The following ADAMTS16 variants were observed in gnomAD, a reference collection of about 807,000 sequenced individuals.
ADAMTS16 encodes the protein ADAM metallopeptidase with thrombospondin type 1 motif 16.
Under a neutral mutation model 145.8 loss-of-function variants are expected in ADAMTS16, and 94 were observed. The observed-to-expected ratio is 0.64, with a 90% CI of 0.55 to 0.77. ADAMTS16 has a LOEUF of 0.77. Ranked by LOEUF, ADAMTS16 falls within the 30% of genes least tolerant of loss-of-function variation. The pLI is 0.00. For missense variants in ADAMTS16, 1,585 were observed against 1,591.5 expected, an observed-to-expected ratio of 1.00 and a Z score of 0.07; for synonymous variants, 659 against 604.3, an observed-to-expected ratio of 1.09 and a Z score of -1.33.
chr5:5,262,620 T>C (rs765951364), intron 17 of ADAMTS16, 37 bp from the exon 18 acceptor site: 4 of 1,598,698 alleles, frequency 2.5e-6, no homozygotes, highest in South Asian at 1.1e-5. Context: ...GGGGCATGCA[T>C]GTGAGTCTTT....
rs1734302618 is a variant in ADAMTS16, at chr5:5,146,548, G to T, written c.501+93G>T. ...GACTTTCCCTCGATTTCGCATAGAT[G>T]TTCTTCTAGTACTGCAGCGCAGATT... On this transcript the variant is annotated intron_variant, in intron 3 of 22. Transcript: ENST00000274181. 30 of 1,302,192 alleles carry T rather than the reference G, an allele frequency of 2.3e-5. No individual in the cohort carries two copies. The South Asian group carries it at 3.8e-4, about 16-fold the overall frequency. The allele number at this position is 1,302,192 out of a possible 1,614,324, so 80.7% of individuals were successfully genotyped here.
chr5:5,277,606 A>C (rs1238653964), intron 18 of ADAMTS16, among the ~76,000 whole-genome samples: 1 of 152,192 alleles, frequency 6.6e-6, no homozygotes, highest in Admixed American at 6.5e-5. Flanking sequence ...GTCTGATTTT[A>C]CTTTTACGCC....
intron 10 of ADAMTS16, among the ~76,000 whole-genome samples, chr5:5,221,361 G>A (rs770497607): frequency 1.1e-4 from 16 of 152,180 alleles, no homozygotes; most frequent in South Asian, 2.1e-4. Flanking sequence ...CCGGGTGCTC[G>A]CAGCAGTCTT....
rs549777350 is a variant in ADAMTS16, at chr5:5,216,091, C to A, written c.1606-6698C>A. On this transcript the variant is annotated intron_variant, in intron 10 of 22. Coordinates refer to ENST00000274181, the MANE Select transcript of ADAMTS16 (RefSeq NM_139056.4). ...ATTGCTGGATCAAATGGTAGTTCTA[C>A]TTTTAGTTCTTTAAGGAATCTCCAC... 1.3e-3 allele frequency among the ~76,000 whole-genome samples: 203 copies of A among 151,798 alleles called. 5 individuals carry two copies. The South Asian group carries it at 0.022, about 16-fold the overall frequency.
chr5:5,256,723 C>T (rs1469001474), intron 17 of ADAMTS16, among the ~76,000 whole-genome samples: 1 of 152,190 alleles, frequency 6.6e-6, no homozygotes, highest in Non-Finnish European at 1.5e-5. Context: ...CATCAATGAT[C>T]ATAAAGGCAT....
intron 9 of ADAMTS16, among the ~76,000 whole-genome samples, chr5:5,208,289 T>G (rs899141527): frequency 2.0e-5 from 3 of 152,230 alleles, no homozygotes; most frequent in African/African-American, 7.2e-5. Flanking sequence ...CTGCCATTGC[T>G]CATTGTATTG....
chr5:5,262,486 T>C (rs188900290), intron 17 of ADAMTS16, among the ~76,000 whole-genome samples, 171 bp from the exon 18 acceptor site: 7 of 152,378 alleles, frequency 4.6e-5, no homozygotes, highest in Admixed American at 3.9e-4. Context: ...TTACAACTTA[T>C]GAAGACAGGT....
intron 13 of ADAMTS16, among the ~76,000 whole-genome samples, chr5:5,236,092 T>G (rs1737097241): frequency 6.6e-6 from 1 of 152,216 alleles, no homozygotes; most frequent in Non-Finnish European, 1.5e-5. Context: ...AAAATGTGTG[T>G]GTATTCCTCC....
Position 5,309,133 on chromosome 5 carries a change from C to G in ADAMTS16, c.3411+2405C>G, listed in dbSNP as rs568246128. Among the ~76,000 whole-genome samples the G allele has an allele frequency of 2.6e-5, 4 of 152,254 alleles. No individual in the cohort carries two copies. The South Asian group carries it at 8.3e-4, about 32-fold the overall frequency. On this transcript the variant is annotated intron_variant, in intron 21 of 22. Coordinates refer to ENST00000274181, the MANE Select transcript of ADAMTS16 (RefSeq NM_139056.4). ...CCACATATACAGTCATCCCTCTCTA[C>G]GGGAATTGGATACCAAAATCTGAGG...
In ADAMTS16 at chr5:5,222,791, C is replaced by CA; in HGVS notation, c.1609dup (p.Ile537AsnfsTer3). The CA allele has an allele frequency of 6.2e-7, 1 of 1,613,602 alleles. No individual in the cohort carries two copies. Among genetic ancestry groups the CA allele is most frequent in the Non-Finnish European group, 8.5e-7 (1 of 1,179,644 alleles). ...GACCTTTTACAAAATTTCTTTAGGA[C>CA]ATCTGTAAAGCCCTGTGGTGCCATC... On this transcript the variant is annotated frameshift_variant, in exon 11 of 23. Transcript: ENST00000274181. LOFTEE classifies it high-confidence loss of function.
chr5:5,207,601 C>G (rs1434350799), intron 9 of ADAMTS16, among the ~76,000 whole-genome samples: 3 of 151,994 alleles, frequency 2.0e-5, no homozygotes, highest in Admixed American at 6.5e-5. Flanking sequence ...AGGAGTCATT[C>G]TTATTTGTTC....
At chr5:5,270,675 G>A (rs1346350755) in intron 18 of ADAMTS16, among the ~76,000 whole-genome samples, 1 of 152,138 alleles carries the variant, frequency 6.6e-6, no homozygotes, top group African/African-American at 2.4e-5. Context: ...AATTGAGTTG[G>A]GAACATAGAT....
intron 17 of ADAMTS16, among the ~76,000 whole-genome samples, chr5:5,255,785 A>G (rs1466322961): frequency 6.6e-6 from 1 of 152,128 alleles, no homozygotes; most frequent in African/African-American, 2.4e-5. Flanking sequence ...CAACATATTG[A>G]CCTCTGTTTC....
intron 12 of ADAMTS16, 107 bp from the exon 13 acceptor site, chr5:5,234,907 A>G (rs1737050703): frequency 2.5e-6 from 2 of 805,960 alleles, no homozygotes; most frequent in Non-Finnish European, 3.4e-6. Context: ...TTTTTTCCTA[A>G]TTACCCATTC....
intron 3 of ADAMTS16, among the ~76,000 whole-genome samples, chr5:5,157,106 CT>C (rs890703900): frequency 2.4e-3 from 338 of 143,724 alleles, no homozygotes; most frequent in South Asian, 4.0e-3. Context: ...AAGAGTTTAA[CT>C]TTTTTTTTTT....
At chr5:5,240,715 C>T (rs184885667) in intron 16 of ADAMTS16, among the ~76,000 whole-genome samples, 60 of 152,270 alleles carry the variant, frequency 3.9e-4, no homozygotes, top group African/African-American at 1.3e-3. Flanking sequence ...GATGCCTCCC[C>T]AGGCATTCGG....
Position 5,179,272 on chromosome 5 carries a change from C to T in ADAMTS16, c.502-2772C>T, listed in dbSNP as rs148000140. The stretch of plus-strand genomic sequence containing the variant: ...ACCCGGCCTTTCCCTTCTATCAGTC[C>T]GCTGCAACCTGCAGGGGAGATGCTG... On this transcript the variant is annotated intron_variant, in intron 3 of 22. Transcript: ENST00000274181. Among the ~76,000 whole-genome samples, 1,190 of 151,678 alleles carry T rather than the reference C, an allele frequency of 7.8e-3. 9 individuals are homozygous for T. The highest frequency in any genetic ancestry group is 0.011 in the Non-Finnish European group (742 of 67,942).
intron 11 of ADAMTS16, among the ~76,000 whole-genome samples, chr5:5,226,428 G>A (rs535327759): frequency 1.7e-4 from 26 of 152,180 alleles, no homozygotes; most frequent in Admixed American, 1.2e-3. Context: ...GGAAAGACCC[G>A]CCCCCATGAT....
At chr5:5,198,597 AC>A in intron 8 of ADAMTS16, among the ~76,000 whole-genome samples, 1 of 152,284 alleles carries the variant, frequency 6.6e-6, no homozygotes, top group South Asian at 2.1e-4. Flanking sequence ...TATTAAAGCT[AC>A]CTTGTAGAGC....
Sources: allele counts gnomAD v4.1 joint callset (sites outside exome capture counted in the v4.1 genomes callset), GRCh38; gene constraint gnomAD v4.1.1; transcripts MANE v1.5; gene names NCBI Gene and HGNC (gene_info 2026-07-23, HGNC 2026-07-21).